C5: variants seen among roughly 807,000 people sequenced by gnomAD.
C5 encodes complement C5.
A neutral mutation model predicts 218.8 loss-of-function variants in C5; 140 were observed. The observed-to-expected ratio is 0.64, with a 90% CI of 0.56 to 0.74. C5 has a LOEUF of 0.74. Ranked by LOEUF, C5 falls within the 30% of genes least tolerant of loss-of-function variation. C5 has a pLI of 0.00. For missense variants in C5, 1,700 were observed against 1,969.6 expected (o/e 0.86, Z 2.59); for synonymous variants, 614 against 682.3 (o/e 0.90, Z 1.56).
At chr9:121,030,531 G>T in intron 6 of C5, 44 bp from the exon 7 acceptor site, 1 of 1,203,090 alleles carries the variant, frequency 8.3e-7, no homozygotes, top group Non-Finnish European at 1.2e-6. Context: ...TTTGATTAGA[G>T]CAGACTTTAA....
chr9:120,990,435 C>T (rs1010413019), intron 23 of C5, among the ~76,000 whole-genome samples: 4 of 152,152 alleles, frequency 2.6e-5, no homozygotes, highest in African/African-American at 9.7e-5. Context: ...TATGTCTCTC[C>T]AAAATTCATA....
chr9:121,050,261 G>A lies in C5; in HGVS notation c.-15C>T. ...AAAAGGCCCATGGTTGGAGGTAGCA[G>A]GAAACCACGGATATAACACTTTTGA... On this transcript the variant is annotated 5_prime_UTR_variant, in exon 1 of 41. Coordinates refer to ENST00000223642, the MANE Select transcript of C5 (RefSeq NM_001735.3). 6.2e-7 allele frequency: 1 copy of A among 1,602,628 alleles called. No individual in the cohort carries two copies. The highest frequency in any genetic ancestry group is 8.5e-7 in the Non-Finnish European group (1 of 1,169,600).
At chr9:121,033,650 A>G (rs1189025516) in intron 5 of C5, among the ~76,000 whole-genome samples, 3 of 152,270 alleles carry the variant, frequency 2.0e-5, no homozygotes, top group Non-Finnish European at 2.9e-5. Flanking sequence ...TGGAACATGT[A>G]GTATTTTCAA....
In C5 at chr9:121,005,911, C is replaced by G; in HGVS notation, c.2562+8G>C. ...TCCTTTATCCCATAAATATTAACAC[C>G]TACTTACCTGCATCCCAGAAGTCCT... On this transcript the variant is annotated splice_region_variant and intron_variant, in intron 20 of 40. Transcript: ENST00000223642. 1 of 1,612,968 alleles carries G rather than the reference C, an allele frequency of 6.2e-7. No homozygotes were observed.
chr9:120,970,274 A>G lies in C5; in HGVS notation c.4081-23T>C, dbSNP rs41312879. 2.3e-3 allele frequency: 3,497 copies of G among 1,510,150 alleles called. 50 individuals carry two copies. The African/African-American group carries it at 0.041, about 18-fold the overall frequency. 93.5% of individuals were successfully genotyped at this position (1,510,150 alleles called of 1,614,324 possible). On this transcript the variant is annotated intron_variant, in intron 31 of 40. Transcript: ENST00000223642. ...TACCTACATTGGGGACAAGTAAGCA[A>G]GAAGATTCTATTTAAAGTGGGAAAG...
chr9:120,978,899 T>C (rs2131693758), intron 28 of C5, among the ~76,000 whole-genome samples: 2 of 152,190 alleles, frequency 1.3e-5, no homozygotes, highest in East Asian at 1.9e-4. Context: ...CCACAGCACA[T>C]TGCTGTGGAT....
chr9:121,060,998 G>A, the C5 span, among the ~76,000 whole-genome samples: 3 of 152,216 alleles, frequency 2.0e-5, no homozygotes, highest in South Asian at 4.1e-4. Flanking sequence ...CACCAGCCTG[G>A]CCAACACGGT....
chr9:121,036,935 A>C lies in C5; in HGVS notation c.492+946T>G, dbSNP rs117443570. ...CTGCAGCCTATATTGAAGGACCATT[A>C]GTAGTATACCTACTGTTAATAACTG... On this transcript the variant is annotated intron_variant, in intron 4 of 40. Transcript: ENST00000223642. Among the ~76,000 whole-genome samples, 116 of 152,004 alleles carry C rather than the reference A, an allele frequency of 7.6e-4. No homozygotes were observed. The East Asian group carries it at 0.021, about 28-fold the overall frequency.
In C5 at chr9:120,962,794, G is replaced by A; in HGVS notation, c.4399-18C>T. The A allele has an allele frequency of 1.2e-6, 2 of 1,606,574 alleles. No individual in the cohort carries two copies. Among genetic ancestry groups the A allele is most frequent in the Non-Finnish European group, 1.7e-6 (2 of 1,173,244 alleles). ...GAGGGAATCTGTTTAACAAATTCAA[G>A]GATTTAAGGAAATTATGGAGAGATG... is the stretch of plus-strand genomic sequence containing the variant. On this transcript the variant is annotated intron_variant, in intron 35 of 40. Transcript: ENST00000223642.
intron 6 of C5, among the ~76,000 whole-genome samples, chr9:121,031,791 T>C (rs2047476785): frequency 1.3e-5 from 2 of 152,122 alleles, no homozygotes; most frequent in Non-Finnish European, 2.9e-5. Context: ...ATTGGCTGGG[T>C]GCGGTGGCTC....
chr9:121,070,230 G>A, the C5 span, among the ~76,000 whole-genome samples: 7 of 151,770 alleles, frequency 4.6e-5, no homozygotes, highest in South Asian at 4.2e-4. Context: ...GTTGGCAGGC[G>A]CCTCTAATCC....
At chr9:120,990,024 T>C (rs1456687945) in intron 23 of C5, among the ~76,000 whole-genome samples, 3 of 152,142 alleles carry the variant, frequency 2.0e-5, no homozygotes, top group Non-Finnish European at 4.4e-5. Context: ...TACAGTGGAC[T>C]GATTGCTGCA....
At chr9:121,002,858 G>A (rs1197351374) in intron 20 of C5, among the ~76,000 whole-genome samples, 1 of 152,168 alleles carries the variant, frequency 6.6e-6, no homozygotes, top group Admixed American at 6.5e-5. Flanking sequence ...TGTATTTAGG[G>A]TGGTGGGGAT....
At chr9:121,067,967 G>C in the C5 span, among the ~76,000 whole-genome samples, 1 of 152,052 alleles carries the variant, frequency 6.6e-6, no homozygotes, top group Non-Finnish European at 1.5e-5. Flanking sequence ...TTATAGTAGG[G>C]TAAAAATGGA....
At chr9:121,009,947 G>A (rs1005665306) in intron 17 of C5, among the ~76,000 whole-genome samples, 3 of 152,244 alleles carry the variant, frequency 2.0e-5, no homozygotes, top group Non-Finnish European at 4.4e-5. Flanking sequence ...TCTGCCCATG[G>A]AGGGAGCATT....
In C5 at chr9:120,981,984, T is replaced by G. The variant is rs200914968; in HGVS notation, c.3391-45A>C. 5.0e-5 allele frequency: 63 copies of G among 1,267,884 alleles called. No individual in the cohort carries two copies. In the African/African-American group the frequency reaches 9.0e-4, roughly 18 times the overall value. The allele number at this position is 1,267,884 out of a possible 1,614,324, so 78.5% of individuals were successfully genotyped here. ...TAAAAGGGGAGTGAAATGGTGTCTTTAAGGCGAAATGACCTGATTCTACTC... is the reference window on the plus strand; with the variant it reads ...TAAAAGGGGAGTGAAATGGTGTCTTGAAGGCGAAATGACCTGATTCTACTC... On this transcript the variant is annotated intron_variant, in intron 26 of 40. Transcript: ENST00000223642.
chr9:121,015,294 A>C, intron 15 of C5, 33 bp from the exon 16 acceptor site: 1 of 1,418,110 alleles, frequency 7.1e-7, no homozygotes, highest in South Asian at 1.2e-5. Flanking sequence ...AAGAAGAAGG[A>C]TTAAAAAGGA....
intron 3 of C5, among the ~76,000 whole-genome samples, chr9:121,040,602 T>C (rs558308211): frequency 1.3e-5 from 2 of 152,348 alleles, no homozygotes; most frequent in South Asian, 4.1e-4. Flanking sequence ...CCATAGATAA[T>C]AATGGAAAAC....
At chr9:120,956,070 T>G (rs1414108701) in intron 39 of C5, among the ~76,000 whole-genome samples, 1 of 150,520 alleles carries the variant, frequency 6.6e-6, no homozygotes, top group Non-Finnish European at 1.5e-5. Flanking sequence ...CTGAGGCGAG[T>G]GGATCACTTG....
Sources: allele counts gnomAD v4.1 joint callset (sites outside exome capture counted in the v4.1 genomes callset), GRCh38; gene constraint gnomAD v4.1.1; transcripts MANE v1.5; gene names NCBI Gene and HGNC (gene_info 2026-07-23, HGNC 2026-07-21).